IGSF3: variants seen among roughly 807,000 people sequenced by gnomAD.
IGSF3 encodes immunoglobulin superfamily member 3, also known as glu-Trp-Ile EWI motif-containing protein 3.
Under a neutral mutation model 114.4 loss-of-function variants are expected in IGSF3, and 23 were observed. That is an observed-to-expected ratio of 0.20 (90% CI 0.14 to 0.28). IGSF3 has a LOEUF of 0.28. IGSF3 is among the 10% of genes least tolerant of loss of function. IGSF3 has a pLI of 1.00. For missense variants in IGSF3, 1,172 were observed against 1,591.5 expected (o/e 0.74, Z 4.48); for synonymous variants, 571 against 645.2 (o/e 0.88, Z 1.74).
In IGSF3 at chr1:116,605,794, A is replaced by G. The variant is rs1421668547; in HGVS notation, c.1223-1769T>C. Among the ~76,000 whole-genome samples the G allele has an allele frequency of 6.6e-6, 1 of 152,216 alleles. No individual in the cohort carries two copies. The highest frequency in any genetic ancestry group is 1.5e-5 in the Non-Finnish European group (1 of 68,030). On this transcript the variant is annotated intron_variant, in intron 5 of 10. Coordinates refer to ENST00000369486, the MANE Select transcript of IGSF3 (RefSeq NM_001007237.3). This position sits in a 1 kb window ranked among gnomAD's most constrained non-coding sequence, Gnocchi z 5.1. ...GGATTAAAAGGGCAACTGCAGCATCAAGGAAGAAAATCCTTTCACTTGTAT... is the reference window on the plus strand; with the variant it reads ...GGATTAAAAGGGCAACTGCAGCATCGAGGAAGAAAATCCTTTCACTTGTAT...
At position 116,629,038 on chromosome 1, in the gene IGSF3, G is replaced by C. The variant is rs141261179; in HGVS notation, c.44-12581C>G. On this transcript the variant is annotated intron_variant, in intron 2 of 10. Coordinates refer to ENST00000369486, the MANE Select transcript of IGSF3 (RefSeq NM_001007237.3). The surrounding 1 kb of genome is among the most constrained non-coding windows in gnomAD (Gnocchi z 4.3). ...CACAAGACCAAGCTGGAGAGTTCAG[G>C]GACTTCCAAAAGAAGGTACAAGAAT... 1.3e-5 allele frequency among the ~76,000 whole-genome samples: 2 copies of C among 152,118 alleles called. No individual in the cohort carries two copies. The highest frequency in any genetic ancestry group is 2.9e-5 in the Non-Finnish European group (2 of 68,026).
Position 116,666,711 on chromosome 1 carries a change from T to C in IGSF3, c.-385A>G, listed in dbSNP as rs1649347940. On this transcript the variant is annotated 5_prime_UTR_variant, in exon 2 of 11. It removes the in-frame stop codon of an upstream open reading frame in the 5' UTR. Coordinates refer to ENST00000369486, the MANE Select transcript of IGSF3 (RefSeq NM_001007237.3). ...ATTATACAGAAATGTCCTTGGCTTC[T>C]CAGTGAAGGTGTCTGTGATCTCCCT... 2.0e-6 allele frequency: 1 copy of C among 498,738 alleles called. No homozygotes were observed. The highest frequency in any genetic ancestry group is 3.1e-5 in the East Asian group (1 of 32,044). The allele number at this position is 498,738 out of a possible 1,614,324, so 30.9% of individuals were successfully genotyped here. A position where few individuals can be genotyped will look rare whatever the true frequency, so the allele number is the denominator to read the frequency against.
rs4044821 is a variant in IGSF3, at chr1:116,621,168, C to T, written c.44-4711G>A. On this transcript the variant is annotated intron_variant, in intron 2 of 10. Transcript: ENST00000369486. ...GCTCCTGCTTTGGCCACGTAAGGCG[C>T]GCCTGCTTCCCCTTCACCTTCCACC... Among the ~76,000 whole-genome samples, 13 of 152,160 alleles carry T rather than the reference C, an allele frequency of 8.5e-5. No homozygotes were observed. In the South Asian group the frequency reaches 1.2e-3, roughly 15 times the overall value.
intron 2 of IGSF3, among the ~76,000 whole-genome samples, chr1:116,659,303 G>A (rs1269095476): frequency 6.6e-6 from 1 of 152,162 alleles, no homozygotes; most frequent in Non-Finnish European, 1.5e-5. Context: ...ACTTAACTGA[G>A]GGTTCCAGTT....
In IGSF3 at chr1:116,607,703, T is replaced by C. The variant is rs930680985; in HGVS notation, c.1222+239A>G. Among the ~76,000 whole-genome samples, 2 of 152,186 alleles carry C rather than the reference T, an allele frequency of 1.3e-5. No homozygotes were observed. The highest frequency in any genetic ancestry group is 6.5e-5 in the Admixed American group (1 of 15,282). ...AATCAGATAGGCCTATGCCCAGCCC[T>C]AGACTGCCCTGATTCTGGACACCCC... is the stretch of plus-strand genomic sequence containing the variant. On this transcript the variant is annotated intron_variant, in intron 5 of 10. Transcript: ENST00000369486. This position sits in a 1 kb window ranked among gnomAD's most constrained non-coding sequence, Gnocchi z 6.1.
chr1:116,638,156 C>A lies in IGSF3; in HGVS notation c.44-21699G>T, dbSNP rs1647921389. ...CCCTCACTCTTTTTGTGGTTTCCTG[C>A]AGTCTAACTAGCTACAAATCTCAAA... On this transcript the variant is annotated intron_variant, in intron 2 of 10. Transcript: ENST00000369486. The surrounding 1 kb of genome is among the most constrained non-coding windows in gnomAD (Gnocchi z 4.1). 6.6e-6 allele frequency among the ~76,000 whole-genome samples: 1 copy of A among 152,264 alleles called. No individual in the cohort carries two copies. The highest frequency in any genetic ancestry group is 2.4e-5 in the African/African-American group (1 of 41,556).
chr1:116,575,362 G>A lies in IGSF3; in HGVS notation c.*1950C>T, dbSNP rs990588904. 3 of 152,648 alleles carry A rather than the reference G, an allele frequency of 2.0e-5. No homozygotes were observed. Among genetic ancestry groups the A allele is most frequent in the Non-Finnish European group, 2.9e-5 (2 of 68,068 alleles). The allele number at this position is 152,648 out of a possible 1,614,324, so 9.5% of individuals were successfully genotyped here. A position where few individuals can be genotyped will look rare whatever the true frequency, so the allele number is the denominator to read the frequency against. ...CACACACTGTCTCACAGGAGGGTAC[G>A]GTATACTTGGGGGAGAAAAGGCAGG... On this transcript the variant is annotated 3_prime_UTR_variant, in exon 11 of 11. Transcript: ENST00000369486. This position sits in a 1 kb window ranked among gnomAD's most constrained non-coding sequence, Gnocchi z 5.6.
rs564858725 is a variant in IGSF3, at chr1:116,651,508, C to T, written c.43+14776G>A. ...TTAGCTGTTTGAAGTTTTAGAATTC[C>T]TTTTCAAATACCATAGCTAGCATTT... On this transcript the variant is annotated intron_variant, in intron 2 of 10. Coordinates refer to ENST00000369486, the MANE Select transcript of IGSF3 (RefSeq NM_001007237.3). The surrounding 1 kb of genome is among the most constrained non-coding windows in gnomAD (Gnocchi z 4.4). Among the ~76,000 whole-genome samples, 1 of 152,298 alleles carries T rather than the reference C, an allele frequency of 6.6e-6. No homozygotes were observed. The highest frequency in any genetic ancestry group is 2.1e-4 in the South Asian group (1 of 4,828).
chr1:116,613,080 G>A (rs2101489278), intron 4 of IGSF3, among the ~76,000 whole-genome samples: 1 of 152,134 alleles, frequency 6.6e-6, no homozygotes, highest in East Asian at 1.9e-4. Flanking sequence ...CTCTCAGACT[G>A]GCCTCATCAA....
At position 116,592,606 on chromosome 1, in the gene IGSF3, C is replaced by T. The variant is rs1660163867; in HGVS notation, c.2030-3502G>A. 6.6e-6 allele frequency among the ~76,000 whole-genome samples: 1 copy of T among 152,198 alleles called. No individual in the cohort carries two copies. The highest frequency in any genetic ancestry group is 1.5e-5 in the Non-Finnish European group (1 of 68,042). The stretch of plus-strand genomic sequence containing the variant: ...AGAGGGAAGAACTTCGCAGCGGAGA[C>T]CAGCAGCAGCTTTCTCAGCCAGCCT... On this transcript the variant is annotated intron_variant, in intron 7 of 10. Transcript: ENST00000369486. This position sits in a 1 kb window ranked among gnomAD's most constrained non-coding sequence, Gnocchi z 4.5.
Position 116,650,470 on chromosome 1 carries a change from C to G in IGSF3, c.43+15814G>C, listed in dbSNP as rs1648587259. Among the ~76,000 whole-genome samples, 4 of 152,316 alleles carry G rather than the reference C, an allele frequency of 2.6e-5. No homozygotes were observed. In the South Asian group the frequency reaches 8.3e-4, roughly 32 times the overall value. On this transcript the variant is annotated intron_variant, in intron 2 of 10. Coordinates refer to ENST00000369486, the MANE Select transcript of IGSF3 (RefSeq NM_001007237.3). The surrounding 1 kb of genome is among the most constrained non-coding windows in gnomAD (Gnocchi z 5.0). ...CAGTGGCCAAAACCATGTCACACGC[C>G]CATGTCTAAATTACGGGCCTCCAGG...
Position 116,594,309 on chromosome 1 carries a change from C to T in IGSF3, c.2030-5205G>A, listed in dbSNP as rs529275136. Among the ~76,000 whole-genome samples the T allele has an allele frequency of 6.6e-6, 1 of 152,256 alleles. No individual in the cohort carries two copies. Among genetic ancestry groups the T allele is most frequent in the South Asian group, 2.1e-4 (1 of 4,816 alleles). ...AAAAAAAACTTTCTTTATCCCACAA[C>T]TAGGACAATATAGCAAATTTTAAAG... is the stretch of plus-strand genomic sequence containing the variant. On this transcript the variant is annotated intron_variant, in intron 7 of 10. Coordinates refer to ENST00000369486, the MANE Select transcript of IGSF3 (RefSeq NM_001007237.3). The surrounding 1 kb of genome is among the most constrained non-coding windows in gnomAD (Gnocchi z 5.2).
At chr1:116,608,478 T>G in intron 4 of IGSF3, 147 bp from the exon 5 acceptor site, 1 of 657,946 alleles carries the variant, frequency 1.5e-6, no homozygotes, top group Non-Finnish European at 2.6e-6. Flanking sequence ...GAGAGTAAAA[T>G]CCAACTCAGA....
chr1:116,637,265 T>C (rs2101048408), intron 2 of IGSF3, among the ~76,000 whole-genome samples: 1 of 152,316 alleles, frequency 6.6e-6, no homozygotes, highest in Non-Finnish European at 1.5e-5. Flanking sequence ...TCTTCTTTAC[T>C]TTGAACTGAA....
At position 116,589,973 on chromosome 1, in the gene IGSF3, C is replaced by A. The variant is rs1660029383; in HGVS notation, c.2030-869G>T. Among the ~76,000 whole-genome samples, 1 of 152,092 alleles carries A rather than the reference C, an allele frequency of 6.6e-6. No individual in the cohort carries two copies. The highest frequency in any genetic ancestry group is 2.4e-5 in the African/African-American group (1 of 41,388). On this transcript the variant is annotated intron_variant, in intron 7 of 10. Coordinates refer to ENST00000369486, the MANE Select transcript of IGSF3 (RefSeq NM_001007237.3). The surrounding 1 kb of genome is among the most constrained non-coding windows in gnomAD (Gnocchi z 5.7). ...CACCTGGGCCAGGAAAGCATTTGAT[C>A]AGTGTTTGCTGAAATAGGTGAACGA...
intron 7 of IGSF3, among the ~76,000 whole-genome samples, chr1:116,590,520 G>A (rs1375545131): frequency 6.6e-6 from 1 of 152,216 alleles, no homozygotes; most frequent in Admixed American, 6.5e-5. Flanking sequence ...CAGGGGCAAG[G>A]TGCAGATTCC....
At position 116,633,752 on chromosome 1, in the gene IGSF3, G is replaced by T. The variant is rs1253409857; in HGVS notation, c.44-17295C>A. The stretch of plus-strand genomic sequence containing the variant: ...AATTCAAAATCATGATCTTAGGGGT[G>T]AAAGAACACTGAGAAACCATAGAAA... On this transcript the variant is annotated intron_variant, in intron 2 of 10. Transcript: ENST00000369486. The surrounding 1 kb of genome is among the most constrained non-coding windows in gnomAD (Gnocchi z 4.3). Among the ~76,000 whole-genome samples the T allele has an allele frequency of 1.3e-5, 2 of 152,326 alleles. No individual in the cohort carries two copies. Among genetic ancestry groups the T allele is most frequent in the Middle Eastern group, 3.4e-3 (1 of 294 alleles).
intron 2 of IGSF3, among the ~76,000 whole-genome samples, chr1:116,658,573 C>T (rs1283511789): frequency 6.6e-6 from 1 of 152,162 alleles, no homozygotes; most frequent in African/African-American, 2.4e-5. Flanking sequence ...CAAATCTACA[C>T]CCTTAGGGTT....
chr1:116,603,098 G>A lies in IGSF3; in HGVS notation c.1624+526C>T, dbSNP rs1448414457. Reference sequence around the variant, plus strand: ...TTCAATGGGACAACTAAGCTTAAGTGTTAAGGATCAGGCAGGAACATAGTA... The same window carrying A: ...TTCAATGGGACAACTAAGCTTAAGTATTAAGGATCAGGCAGGAACATAGTA... On this transcript the variant is annotated intron_variant, in intron 6 of 10. Transcript: ENST00000369486. The surrounding 1 kb of genome is among the most constrained non-coding windows in gnomAD (Gnocchi z 7.1). 6.6e-6 allele frequency among the ~76,000 whole-genome samples: 1 copy of A among 152,256 alleles called. No homozygotes were observed. The highest frequency in any genetic ancestry group is 1.9e-4 in the East Asian group (1 of 5,202).
Sources: allele counts gnomAD v4.1 joint callset (sites outside exome capture counted in the v4.1 genomes callset), GRCh38; gene constraint gnomAD v4.1.1; non-coding constraint Gnocchi (gnomAD v3.1); transcripts MANE v1.5; gene names NCBI Gene and HGNC (gene_info 2026-07-23, HGNC 2026-07-21).